The following SVEP1 variants were observed in gnomAD, a reference collection of about 807,000 sequenced individuals.
The protein encoded by SVEP1 is sushi, von Willebrand factor type A, EGF and pentraxin domain-containing protein 1.
A neutral mutation model predicts 367.3 loss-of-function variants in SVEP1; 164 were observed. The ratio of observed to expected loss-of-function variants is 0.45; its 90% confidence interval spans 0.39 to 0.51. The LOEUF (loss-of-function observed/expected upper bound fraction) is 0.51, where lower values mean the gene tolerates loss of function less well. Ranked by LOEUF, SVEP1 falls within the 20% of genes least tolerant of loss-of-function variation. SVEP1 has a pLI of 0.00. For synonymous variants in SVEP1, 1,666 were observed against 1,611.6 expected (o/e 1.03, Z -0.81); for missense variants, 4,117 against 4,425.3 (o/e 0.93, Z 1.98).
intron 24 of SVEP1, among the ~76,000 whole-genome samples, chr9:110,449,135 T>A (rs896587942): frequency 2.0e-5 from 3 of 151,710 alleles, no homozygotes; most frequent in Non-Finnish European, 4.4e-5. Context: ...CTGCAAAGAG[T>A]GGGGGATGGA....
Position 110,450,266 on chromosome 9 carries a change from G to C in SVEP1, c.3902-6C>G. Reference sequence around the variant, plus strand: ...TTCTGTTTCACAATGCAGGCCTGAGGATGGAGAAGGAAGAGAAACAGCCCA... The same window carrying C: ...TTCTGTTTCACAATGCAGGCCTGAGCATGGAGAAGGAAGAGAAACAGCCCA... On this transcript the variant is annotated splice_region_variant and splice_polypyrimidine_tract_variant and intron_variant, in intron 23 of 47. Coordinates refer to ENST00000374469, the MANE Select transcript of SVEP1 (RefSeq NM_153366.4). 1.2e-6 allele frequency: 2 copies of C among 1,613,496 alleles called. No individual in the cohort carries two copies. The highest frequency in any genetic ancestry group is 1.7e-6 in the Non-Finnish European group (2 of 1,179,638).
chr9:110,441,899 T>C (rs993955363), intron 27 of SVEP1, among the ~76,000 whole-genome samples: 2 of 152,230 alleles, frequency 1.3e-5, no homozygotes, highest in African/African-American at 2.4e-5. Flanking sequence ...TAACTCCCTA[T>C]TGATTTTAGG....
chr9:110,448,575 G>A (rs941545297), intron 24 of SVEP1, among the ~76,000 whole-genome samples: 1 of 152,150 alleles, frequency 6.6e-6, no homozygotes, highest in African/African-American at 2.4e-5. Context: ...TGTGTTTGGT[G>A]TCATTACAAC....
chr9:110,367,860 C>G (rs1276674965), intron 47 of SVEP1, among the ~76,000 whole-genome samples: 2 of 152,150 alleles, frequency 1.3e-5, no homozygotes, highest in African/African-American at 4.8e-5. Context: ...GCGGGCAGAT[C>G]ACTTGAGGTC....
chr9:110,537,920 T>C (rs1213449769), intron 3 of SVEP1, among the ~76,000 whole-genome samples: 2 of 151,860 alleles, frequency 1.3e-5, no homozygotes, highest in Non-Finnish European at 2.9e-5. Flanking sequence ...GTTTTCCCTT[T>C]GTTCACGTAT....
chr9:110,375,518 G>A (rs1396446354), intron 45 of SVEP1, 55 bp from the exon 46 acceptor site: 15 of 1,435,346 alleles, frequency 1.0e-5, no homozygotes, highest in Non-Finnish European at 1.2e-5. Flanking sequence ...AAATGGCGTT[G>A]ATCAAAGTAC....
At chr9:110,438,774 A>G (rs760912455) in intron 27 of SVEP1, among the ~76,000 whole-genome samples, 4 of 152,210 alleles carry the variant, frequency 2.6e-5, no homozygotes, top group Admixed American at 6.5e-5. Context: ...TCCCAGAAAG[A>G]CTGTATCAAC....
intron 1 of SVEP1, among the ~76,000 whole-genome samples, chr9:110,552,173 A>C (rs1366747207): frequency 6.6e-6 from 1 of 151,836 alleles, no homozygotes. Flanking sequence ...CTGGGACTAC[A>C]GGCACATACC....
chr9:110,472,326 G>A lies in SVEP1; in HGVS notation c.2600-3C>T, dbSNP rs1392767343. On this transcript the variant is annotated splice_polypyrimidine_tract_variant and splice_region_variant and intron_variant, in intron 14 of 47. Coordinates refer to ENST00000374469, the MANE Select transcript of SVEP1 (RefSeq NM_153366.4). Reference sequence around the variant, plus strand: ...AGCTGCACCCCAGCCACCTGGTCCTGGATAGTCGGGGCAGAGACACAAATG... The same window carrying A: ...AGCTGCACCCCAGCCACCTGGTCCTAGATAGTCGGGGCAGAGACACAAATG... 13 of 1,572,390 alleles carry A rather than the reference G, an allele frequency of 8.3e-6. No individual in the cohort carries two copies. Among genetic ancestry groups the A allele is most frequent in the South Asian group, 2.4e-5 (2 of 84,928 alleles).
chr9:110,415,211 T>C (rs977002073), intron 36 of SVEP1, among the ~76,000 whole-genome samples: 3 of 152,092 alleles, frequency 2.0e-5, no homozygotes, highest in Admixed American at 1.3e-4. Flanking sequence ...TTATATCACT[T>C]AAGTCTCTTA....
Position 110,472,286 on chromosome 9 carries a change from G to T in SVEP1, c.2637C>A (p.Tyr879Ter), listed in dbSNP as rs761589701. The change falls in exon 15 of 48, where the codon TAC (tyrosine) becomes TAA (stop). Residue 879 changes from tyrosine (Y) to a stop codon, truncating the protein, a stop_gained. Transcript: ENST00000374469. LOFTEE classifies it high-confidence loss of function. The stretch of plus-strand genomic sequence containing the variant: ...CAGTGTCCAGGAAGTCATCGTAAGA[G>T]TAATCCAGCCTATTAGCTGCACCCC... ...GGWGAANRLD[Y>*]SYDDFLDTVQ... 1 of 1,609,326 alleles carries T rather than the reference G, an allele frequency of 6.2e-7. No individual in the cohort carries two copies. Among genetic ancestry groups the T allele is most frequent in the Non-Finnish European group, 8.5e-7 (1 of 1,178,656 alleles).
intron 45 of SVEP1, 129 bp from the exon 46 acceptor site, chr9:110,375,592 C>T (rs77933629): frequency 0.027 from 19,785 of 728,674 alleles, 399 homozygotes; most frequent in South Asian, 0.034. Context: ...ATATGACTCA[C>T]TAAATAAGTT....
At chr9:110,512,903 A>G in intron 5 of SVEP1, 23 bp downstream of exon 5, 4 of 1,613,546 alleles carry the variant, frequency 2.5e-6, no homozygotes, top group Non-Finnish European at 3.4e-6. Context: ...TAAATAAACA[A>G]TGTAAATTGG....
At position 110,404,464 on chromosome 9, in the gene SVEP1, T is replaced by C. The variant is rs1588036465; in HGVS notation, c.9529A>G (p.Ser3177Gly). ...TCCGGGAGAGGACATTTTTTAGGACTGCAGGAGATTCTCTCAGGGAACCAG... is the reference window on the plus strand; with the variant it reads ...TCCGGGAGAGGACATTTTTTAGGACCGCAGGAGATTCTCTCAGGGAACCAG... The part of the protein sequence containing the change: ...GRWFPERISC[S>G]PKKCPLPENI... Residue 3177 changes from serine to glycine, a missense_variant, in exon 39 of 48, where the codon AGT becomes GGT. By Grantham distance (56) the Ser-to-Gly change is moderately conservative. Coordinates refer to ENST00000374469, the MANE Select transcript of SVEP1 (RefSeq NM_153366.4). The C allele has an allele frequency of 1.2e-6, 2 of 1,614,042 alleles. No homozygotes were observed. Among genetic ancestry groups the C allele is most frequent in the Non-Finnish European group, 1.7e-6 (2 of 1,179,902 alleles).
chr9:110,543,525 G>A (rs551338548), intron 3 of SVEP1, among the ~76,000 whole-genome samples: 1 of 152,330 alleles, frequency 6.6e-6, no homozygotes, highest in East Asian at 1.9e-4. Flanking sequence ...ATTGGTAGTA[G>A]ACAAGGCTAC....
At position 110,532,524 on chromosome 9, in the gene SVEP1, C is replaced by T. The variant is rs562706538; in HGVS notation, c.964+13591G>A. 9.8e-4 allele frequency among the ~76,000 whole-genome samples: 149 copies of T among 152,258 alleles called. 1 individual carries two copies. The highest frequency in any genetic ancestry group is 3.3e-3 in the African/African-American group (138 of 41,554). On this transcript the variant is annotated intron_variant, in intron 3 of 47. Coordinates refer to ENST00000374469, the MANE Select transcript of SVEP1 (RefSeq NM_153366.4). Reference sequence around the variant, plus strand: ...CTTGAAGTGACTGAGGAGTCACTAGCAGCTTGGGGTATCTGGAGCATAAGA... The same window carrying T: ...CTTGAAGTGACTGAGGAGTCACTAGTAGCTTGGGGTATCTGGAGCATAAGA...
Position 110,471,698 on chromosome 9 carries a change from G to C in SVEP1, c.2765-101C>G, listed in dbSNP as rs557502847. 18 of 796,620 alleles carry C rather than the reference G, an allele frequency of 2.3e-5. No homozygotes were observed. In the South Asian group the frequency reaches 3.2e-4, roughly 14 times the overall value. 49.3% of individuals were successfully genotyped at this position (796,620 alleles called of 1,614,324 possible). On this transcript the variant is annotated intron_variant, in intron 15 of 47. Coordinates refer to ENST00000374469, the MANE Select transcript of SVEP1 (RefSeq NM_153366.4). ...AAACAGAAATACTTAAAATCTTTTAGTACTAATAAGTGGTCTATAGAAAAA... is the reference window on the plus strand; with the variant it reads ...AAACAGAAATACTTAAAATCTTTTACTACTAATAAGTGGTCTATAGAAAAA...
At chr9:110,502,398 G>T (rs1043358898) in intron 6 of SVEP1, among the ~76,000 whole-genome samples, 2 of 151,736 alleles carry the variant, frequency 1.3e-5, no homozygotes, top group Non-Finnish European at 2.9e-5. Flanking sequence ...CACCTTGCCC[G>T]GCCAGAAAAA....
intron 21 of SVEP1, 48 bp from the exon 22 acceptor site, chr9:110,455,751 C>A: frequency 6.9e-7 from 1 of 1,444,452 alleles, no homozygotes; most frequent in Non-Finnish European, 9.5e-7. Flanking sequence ...ATGGGATTAA[C>A]CGAAATAGAA....
Sources: allele counts gnomAD v4.1 joint callset (sites outside exome capture counted in the v4.1 genomes callset), GRCh38; gene constraint gnomAD v4.1.1; transcripts MANE v1.5; gene names NCBI Gene and HGNC (gene_info 2026-07-23, HGNC 2026-07-21).